The following PCED1B variants were observed in gnomAD, a reference collection of about 807,000 sequenced individuals.
PCED1B encodes the protein PC-esterase domain-containing protein 1B.
For synonymous variants in PCED1B, 251 were observed against 246.1 expected, an observed-to-expected ratio of 1.02 and a Z score of -0.19; for missense variants, 573 against 573.9, an observed-to-expected ratio of 1.00 and a Z score of 0.02.
intron 1 of PCED1B, among the ~76,000 whole-genome samples, chr12:47,091,734 A>G (rs572269803): frequency 2.0e-5 from 3 of 152,280 alleles, no homozygotes; most frequent in Admixed American, 1.3e-4. Flanking sequence ...TGAAATAAAC[A>G]TTAGAATACC....
chr12:47,142,881 A>AGAG (rs1940648339), intron 2 of PCED1B, among the ~76,000 whole-genome samples: 1 of 122,936 alleles, frequency 8.1e-6, no homozygotes, highest in East Asian at 2.5e-4. Context: ...AGAAGAGAGA[A>AGAG]AGAGGCAAAA....
In PCED1B at chr12:47,202,031, T is replaced by C. The variant is rs561853304; in HGVS notation, c.-525-14191T>C. Among the ~76,000 whole-genome samples the C allele has an allele frequency of 1.1e-4, 17 of 152,316 alleles. No homozygotes were observed. In the East Asian group the frequency reaches 1.7e-3, roughly 16 times the overall value. ...AAAGCCATTTAGATCAAGTACTATA[T>C]TAGTTAGTATATTGATGTTACAAAT... is the stretch of plus-strand genomic sequence containing the variant. On this transcript the variant is annotated intron_variant, in intron 2 of 3. Transcript: ENST00000546455.
At chr12:47,101,367 C>A (rs1402479911) in intron 1 of PCED1B, among the ~76,000 whole-genome samples, 1 of 152,176 alleles carries the variant, frequency 6.6e-6, no homozygotes, top group Non-Finnish European at 1.5e-5. Context: ...CTGTCACTTA[C>A]TGGGCTTTCT....
chr12:47,090,714 T>C (rs1938226593), intron 1 of PCED1B, among the ~76,000 whole-genome samples: 1 of 152,196 alleles, frequency 6.6e-6, no homozygotes, highest in Admixed American at 6.5e-5. Context: ...TTTTTGTGTC[T>C]GGTTTCTACT....
chr12:47,080,112 T>C (rs114356778), intron 1 of PCED1B, among the ~76,000 whole-genome samples: 2,285 of 152,082 alleles, frequency 0.015, 65 homozygotes, highest in African/African-American at 0.052. Context: ...CCCGGACCTC[T>C]AGAACGGCCG....
chr12:47,176,324 C>T (rs559589335), intron 2 of PCED1B, among the ~76,000 whole-genome samples: 24 of 152,220 alleles, frequency 1.6e-4, no homozygotes, highest in African/African-American at 5.1e-4. Context: ...CTCCTAATCC[C>T]TTGGAAATCC....
intron 2 of PCED1B, among the ~76,000 whole-genome samples, chr12:47,110,981 T>C (rs554313232): frequency 1.3e-5 from 2 of 152,358 alleles, no homozygotes; most frequent in South Asian, 2.1e-4. Flanking sequence ...TGAAGTTTGA[T>C]GTATGTAACT....
intron 2 of PCED1B, among the ~76,000 whole-genome samples, chr12:47,155,445 C>T (rs1941161939): frequency 6.6e-6 from 1 of 152,112 alleles, no homozygotes; most frequent in African/African-American, 2.4e-5. Flanking sequence ...TCAAGGGTTC[C>T]AAACTTTTTG....
chr12:47,162,458 T>C (rs1479718872), intron 2 of PCED1B, among the ~76,000 whole-genome samples: 1 of 152,086 alleles, frequency 6.6e-6, no homozygotes, highest in Non-Finnish European at 1.5e-5. Context: ...GAAGTTTACT[T>C]TGCATTTCTG....
intron 2 of PCED1B, among the ~76,000 whole-genome samples, chr12:47,193,601 C>G (rs975429668): frequency 6.6e-6 from 1 of 152,190 alleles, no homozygotes; most frequent in African/African-American, 2.4e-5. Context: ...GCAAGTCTTA[C>G]AATTTCCCTC....
At chr12:47,158,714 A>G (rs1941274606) in intron 2 of PCED1B, among the ~76,000 whole-genome samples, 2 of 152,220 alleles carry the variant, frequency 1.3e-5, no homozygotes, top group Non-Finnish European at 2.9e-5. Context: ...AGACTGTAAT[A>G]ATCAAGTCAG....
At chr12:47,157,423 T>C (rs1045185759) in intron 2 of PCED1B, among the ~76,000 whole-genome samples, 1 of 152,042 alleles carries the variant, frequency 6.6e-6, no homozygotes, top group Non-Finnish European at 1.5e-5. Context: ...ACCCTGTCTC[T>C]GTAAGAAACT....
intron 2 of PCED1B, among the ~76,000 whole-genome samples, chr12:47,125,212 C>G (rs1394197642): frequency 6.6e-6 from 1 of 151,924 alleles, no homozygotes. Context: ...TATGGAGAGT[C>G]ATTTTTTGTT....
chr12:47,217,395 A>C (rs987740566), intron 3 of PCED1B, among the ~76,000 whole-genome samples: 2 of 123,064 alleles, frequency 1.6e-5, no homozygotes, highest in African/African-American at 8.9e-5. Flanking sequence ...TGAGACAAGA[A>C]AGAAACAGAG....
chr12:47,146,737 T>G (rs1940799268), intron 2 of PCED1B, among the ~76,000 whole-genome samples: 1 of 152,228 alleles, frequency 6.6e-6, no homozygotes, highest in Admixed American at 6.5e-5. Context: ...AACATAACTT[T>G]TGCATGTGCT....
Position 47,236,396 on chromosome 12 carries a change from T to C in PCED1B, c.*34T>C, listed in dbSNP as rs1397740189. ...AGGCCTTATTTCCTCTTTATGAACA[T>C]GGATTGGACAGATCTGACACTTCCT... is the stretch of plus-strand genomic sequence containing the variant. On this transcript the variant is annotated 3_prime_UTR_variant, in exon 4 of 4. Coordinates refer to ENST00000546455, the MANE Select transcript of PCED1B (RefSeq NM_138371.3). The C allele has an allele frequency of 6.7e-7, 1 of 1,491,948 alleles. No homozygotes were observed. Among genetic ancestry groups the C allele is most frequent in the Non-Finnish European group, 8.9e-7 (1 of 1,119,410 alleles). The allele number at this position is 1,491,948 out of a possible 1,614,324, so 92.4% of individuals were successfully genotyped here. A position where few individuals can be genotyped will look rare whatever the true frequency, so the allele number is the denominator to read the frequency against.
At position 47,178,719 on chromosome 12, in the gene PCED1B, T is replaced by C. The variant is rs150845616; in HGVS notation, c.-525-37503T>C. 3.6e-3 allele frequency among the ~76,000 whole-genome samples: 544 copies of C among 151,862 alleles called. 10 individuals carry two copies. In the South Asian group the frequency reaches 0.041, roughly 11 times the overall value. On this transcript the variant is annotated intron_variant, in intron 2 of 3. Transcript: ENST00000546455. ...CTGTCTCTACTAAAAATACAAAAAT[T>C]AGCTGGGCATGGTGGTGAGCACCTG...
At position 47,080,255 on chromosome 12, in the gene PCED1B, G is replaced by A. The variant is rs575957313; in HGVS notation, c.-609+530G>A. 6.8e-4 allele frequency among the ~76,000 whole-genome samples: 103 copies of A among 152,310 alleles called. 2 individuals carry two copies. The highest frequency in any genetic ancestry group is 2.3e-3 in the African/African-American group (96 of 41,590). On this transcript the variant is annotated intron_variant, in intron 1 of 3. Coordinates refer to ENST00000546455, the MANE Select transcript of PCED1B (RefSeq NM_138371.3). ...CAAGCCGGGCGGTAATGGGGTCCAG[G>A]AAGGCTAAAGGGGACACGCCCAGCC...
At chr12:47,228,085 G>A (rs193188637) in intron 3 of PCED1B, among the ~76,000 whole-genome samples, 178 of 151,156 alleles carry the variant, frequency 1.2e-3, no homozygotes, top group African/African-American at 4.0e-3. Context: ...CCAGGCTGGA[G>A]TTCAGTGATG....
Sources: allele counts gnomAD v4.1 joint callset (sites outside exome capture counted in the v4.1 genomes callset), GRCh38; gene constraint gnomAD v4.1.1; transcripts MANE v1.5; gene names NCBI Gene and HGNC (gene_info 2026-07-23, HGNC 2026-07-21).